LAMA4: variants seen among roughly 807,000 people sequenced by gnomAD.
LAMA4 encodes the protein laminin subunit alpha 4.
A neutral mutation model predicts 207.1 loss-of-function variants in LAMA4; 127 were observed. The ratio of observed to expected loss-of-function variants is 0.61; its 90% CI spans 0.53 to 0.71. The LOEUF is 0.71. Among genes scored for constraint, LAMA4 ranks in the 30% least tolerant of loss-of-function variants. LAMA4 has a pLI of 0.00. For synonymous variants in LAMA4, 761 were observed against 816.0 expected, an observed-to-expected ratio of 0.93 and a Z score of 1.15; for missense variants, 2,093 against 2,246.5, an observed-to-expected ratio of 0.93 and a Z score of 1.38.
At chr6:112,245,915 T>G (rs1786880786) in intron 2 of LAMA4, among the ~76,000 whole-genome samples, 1 of 152,212 alleles carries the variant, frequency 6.6e-6, no homozygotes, top group Non-Finnish European at 1.5e-5. Flanking sequence ...TATTTTTTTC[T>G]TTATGGAGAG....
At chr6:112,126,028 T>C (rs879992090) in intron 31 of LAMA4, among the ~76,000 whole-genome samples, 10 of 152,246 alleles carry the variant, frequency 6.6e-5, no homozygotes, top group Non-Finnish European at 1.0e-4. Context: ...TTGAAATCTA[T>C]GGTGATTCTG....
intron 23 of LAMA4, 142 bp downstream of exon 23, chr6:112,139,609 GT>G (rs1233274584): frequency 3.0e-6 from 3 of 997,412 alleles, no homozygotes; most frequent in South Asian, 2.7e-5. Context: ...CAGGTGAAGA[GT>G]TTTTTGCAGG....
intron 3 of LAMA4, among the ~76,000 whole-genome samples, chr6:112,207,636 T>C (rs868940307): frequency 6.6e-6 from 1 of 151,350 alleles, no homozygotes; most frequent in African/African-American, 2.5e-5. Flanking sequence ...GTAGTATAAA[T>C]GGAGTAGAAG....
intron 8 of LAMA4, 142 bp from the exon 9 acceptor site, chr6:112,185,489 G>C (rs1782631815): frequency 1.5e-6 from 1 of 647,008 alleles, no homozygotes; most frequent in Non-Finnish European, 2.8e-6. Flanking sequence ...GGCTGCTGCA[G>C]CCTGATATGA....
At chr6:112,204,942 T>C (rs1554353746) in intron 4 of LAMA4, among the ~76,000 whole-genome samples, 1 of 152,210 alleles carries the variant, frequency 6.6e-6, no homozygotes, top group African/African-American at 2.4e-5. Flanking sequence ...TTTGAATACA[T>C]CACAAGCTAT....
At position 112,128,921 on chromosome 6, in the gene LAMA4, C is replaced by T; in HGVS notation, c.4287+1G>A. The T allele has an allele frequency of 6.2e-7, 1 of 1,612,280 alleles. No individual in the cohort carries two copies. Among genetic ancestry groups the T allele is most frequent in the Non-Finnish European group, 8.5e-7 (1 of 1,178,650 alleles). The stretch of plus-strand genomic sequence containing the variant: ...GAAGTCAGAACGGCATTATCTTTTA[C>T]CTTTTTATTCTGACTTGCTTTAGGC... On this transcript the variant is annotated splice_donor_variant, in intron 31 of 38. Coordinates refer to ENST00000230538, the MANE Select transcript of LAMA4 (RefSeq NM_001105206.3). LOFTEE classifies it high-confidence loss of function.
At position 112,175,328 on chromosome 6, in the gene LAMA4, C is replaced by A; in HGVS notation, c.1342G>T (p.Asp448Tyr). The A allele has an allele frequency of 6.2e-7, 1 of 1,614,138 alleles. No homozygotes were observed. The highest frequency in any genetic ancestry group is 8.5e-7 in the Non-Finnish European group (1 of 1,179,986). The stretch of plus-strand genomic sequence containing the variant: ...ATACACCTACGTTCGTAAGCCTCAT[C>A]TGCCTCCTCATCCACGAGCTCCCGT... ...TQRELVDEEA[D>Y]EAYELLSQAE... The change falls in exon 11 of 39, where the codon GAT (aspartate) becomes TAT (tyrosine). Residue 448 changes from aspartate to tyrosine, a missense_variant. Transcript: ENST00000230538.
rs11287023 is a variant in LAMA4 at position 112,204,474 on chromosome 6, C to CAA, written c.422+2545_422+2546dup. On this transcript the variant is annotated intron_variant, in intron 4 of 38. Transcript: ENST00000230538. ...GCCTGCCTAATTCATCTGCTACTGC[C>CAA]AAAAAAAAAAAAACAAACACTGCAG... Among the ~76,000 whole-genome samples the CAA allele has an allele frequency of 5.8e-3, 789 of 136,092 alleles. 10 individuals are homozygous for CAA. The highest frequency in any genetic ancestry group is 0.02 in the African/African-American group (763 of 37,856). The allele number at this position is 136,092 out of a possible 152,430, so 89.3% of individuals were successfully genotyped here. A position where few individuals can be genotyped will look rare whatever the true frequency, so the allele number is the denominator to read the frequency against.
chr6:112,169,853 C>T (rs1013393900), intron 12 of LAMA4, among the ~76,000 whole-genome samples: 15 of 152,328 alleles, frequency 9.8e-5, no homozygotes, highest in African/African-American at 3.4e-4. Flanking sequence ...ACTGAAGTCT[C>T]TTCATATAGG....
At position 112,206,988 on chromosome 6, in the gene LAMA4, C is replaced by T. The variant is rs1243852298; in HGVS notation, c.422+33G>A. 3 of 1,611,750 alleles carry T rather than the reference C, an allele frequency of 1.9e-6. No homozygotes were observed. In the African/African-American group the frequency reaches 4.1e-5, roughly 22 times the overall value. ...AAAACAAAACAATACATAGACTGAT[C>T]ATTAGAAGAGACCATCCTCCTTTAG... On this transcript the variant is annotated intron_variant, in intron 4 of 38. Coordinates refer to ENST00000230538, the MANE Select transcript of LAMA4 (RefSeq NM_001105206.3).
Position 112,132,965 on chromosome 6 carries a change from G to A in LAMA4, c.3697-75C>T, listed in dbSNP as rs1359164092. 2.4e-5 allele frequency: 35 copies of A among 1,456,108 alleles called. 1 individual carries two copies. Among genetic ancestry groups the A allele is most frequent in the South Asian group, 9.2e-5 (8 of 87,006 alleles). The allele number at this position is 1,456,108 out of a possible 1,614,324, so 90.2% of individuals were successfully genotyped here. On this transcript the variant is annotated intron_variant, in intron 27 of 38. Coordinates refer to ENST00000230538, the MANE Select transcript of LAMA4 (RefSeq NM_001105206.3). ...TTAAAACTATCAATGTTTCACATAC[G>A]GAAGGCCTTGCCTGTTAATTTCTAC...
intron 2 of LAMA4, among the ~76,000 whole-genome samples, chr6:112,227,643 T>C (rs1785297508): frequency 6.6e-6 from 1 of 152,210 alleles, no homozygotes; most frequent in African/African-American, 2.4e-5. Context: ...TGTATCATTA[T>C]TATTAACACA....
chr6:112,232,765 A>C (rs1341999837), intron 2 of LAMA4, among the ~76,000 whole-genome samples: 2 of 152,232 alleles, frequency 1.3e-5, no homozygotes, highest in Non-Finnish European at 1.5e-5. Flanking sequence ...TCTAGTATTC[A>C]CACTGCCATT....
chr6:112,144,869 T>A lies in LAMA4; in HGVS notation c.2418A>T (p.Arg806=). Residue 806 remains arginine, a synonymous_variant, in exon 19 of 39, where the codon CGA becomes CGT. Coordinates refer to ENST00000230538, the MANE Select transcript of LAMA4 (RefSeq NM_001105206.3). The stretch of plus-strand genomic sequence containing the variant: ...TGCTGGCAGAAACGTTGCTTGCAGG[T>A]CGCTTCTGCTCAACCGTACGAAGCT... ...LDQLRTVEQK[R]PASNVSASIQ... is the part of the protein sequence containing the mutation. The A allele has an allele frequency of 1.2e-6, 2 of 1,614,014 alleles. No homozygotes were observed. Among genetic ancestry groups the A allele is most frequent in the South Asian group, 2.2e-5 (2 of 91,076 alleles).
At chr6:112,165,363 T>C in intron 12 of LAMA4, 87 bp from the exon 13 acceptor site, 1 of 895,500 alleles carries the variant, frequency 1.1e-6, no homozygotes, top group Non-Finnish European at 1.9e-6. Flanking sequence ...ACTTGCTCTC[T>C]TTGGACTCAG....
At chr6:112,139,635 T>G (rs187693133) in intron 23 of LAMA4, 117 bp downstream of exon 23, 97 of 1,251,570 alleles carry the variant, frequency 7.8e-5, no homozygotes, top group Admixed American at 1.2e-4. Context: ...ACTTATGTAG[T>G]TTCAAAACTG....
At chr6:112,156,480 T>C (rs1339793610) in intron 14 of LAMA4, among the ~76,000 whole-genome samples, 1 of 152,234 alleles carries the variant, frequency 6.6e-6, no homozygotes, top group Non-Finnish European at 1.5e-5. Flanking sequence ...TTTAAAACTC[T>C]ATGTGTACCC....
intron 12 of LAMA4, chr6:112,166,471 G>A (rs1271313684): frequency 3.3e-5 from 5 of 152,334 alleles, no homozygotes; most frequent in African/African-American, 1.2e-4. Flanking sequence ...TAAAAGAAGG[G>A]AGTTGAAAAA....
chr6:112,140,904 C>T lies in LAMA4; in HGVS notation c.2832G>A (p.Lys944=). 1.2e-6 allele frequency: 2 copies of T among 1,613,198 alleles called. No individual in the cohort carries two copies. Among genetic ancestry groups the T allele is most frequent in the Non-Finnish European group, 8.5e-7 (1 of 1,179,134 alleles). ...VKIERVGKHG[K]VFLTVPSLSS... ...TTAGACTCGGGACTGTTAAAAACACCTTTCCATGTTTTCCCACCCTATTGA... is the reference window on the plus strand; with the variant it reads ...TTAGACTCGGGACTGTTAAAAACACTTTTCCATGTTTTCCCACCCTATTGA... The change falls in exon 22 of 39, where the codon AAG becomes AAA. Residue 944 remains lysine, a synonymous_variant. Coordinates refer to ENST00000230538, the MANE Select transcript of LAMA4 (RefSeq NM_001105206.3).
Sources: allele counts gnomAD v4.1 joint callset (sites outside exome capture counted in the v4.1 genomes callset), GRCh38; gene constraint gnomAD v4.1.1; transcripts MANE v1.5; gene names NCBI Gene and HGNC (gene_info 2026-07-23, HGNC 2026-07-21).